The following PCDHA7 variants were observed in gnomAD, a reference collection of about 807,000 sequenced individuals.
The protein encoded by PCDHA7 is protocadherin alpha 7.
A neutral mutation model predicts 57.2 loss-of-function variants in PCDHA7; 37 were observed. The observed-to-expected ratio is 0.65, with a 90% CI of 0.50 to 0.85. PCDHA7 has a LOEUF of 0.85. Ranked by LOEUF, PCDHA7 falls within the 40% of genes least tolerant of loss-of-function variation. PCDHA7 has a pLI of 0.00. For missense variants in PCDHA7, 1,188 were observed against 1,241.8 expected (o/e 0.96, Z 0.65); for synonymous variants, 553 against 558.8 (o/e 0.99, Z 0.15).
intron 1 of PCDHA7, chr5:140,967,270 C>G (rs782562333): frequency 6.2e-7 from 1 of 1,613,488 alleles, no homozygotes; most frequent in Non-Finnish European, 8.5e-7. Context: ...CGCGCTTTCA[C>G]ATAGAGAGTG....
intron 1 of PCDHA7, chr5:140,882,798 A>AT: frequency 6.2e-7 from 1 of 1,614,236 alleles, no homozygotes; most frequent in Non-Finnish European, 8.5e-7. Flanking sequence ...CCCAACGATT[A>AT]TTTCACTTTG....
chr5:140,929,580 T>A (rs1035039235), intron 1 of PCDHA7: 13 of 442,122 alleles, frequency 2.9e-5, no homozygotes, highest in African/African-American at 1.0e-4. Context: ...AAAAGTAATA[T>A]GACATAAAGG....
intron 1 of PCDHA7, chr5:140,870,210 C>T (rs1430379869): frequency 6.2e-7 from 1 of 1,614,058 alleles, no homozygotes; most frequent in African/African-American, 1.3e-5. Context: ...CGGTCATTGC[C>T]CTGATCAGCG....
Position 140,913,941 on chromosome 5 carries a change from C to T in PCDHA7, c.2356-65008C>T, listed in dbSNP as rs950871389. ...TACTTCATTGTGGTCAGAGAAGAAT[C>T]TTGATATGATATCATTTTTAAAAAA... On this transcript the variant is annotated intron_variant, in intron 1 of 3. Transcript: ENST00000525929. Among the ~76,000 whole-genome samples, 3 of 152,102 alleles carry T rather than the reference C, an allele frequency of 2.0e-5. No homozygotes were observed. In the East Asian group the frequency reaches 5.8e-4, roughly 29 times the overall value.
At chr5:140,877,652 C>T (rs1456022709) in intron 1 of PCDHA7, 1 of 1,613,400 alleles carries the variant, frequency 6.2e-7, no homozygotes, top group Non-Finnish European at 8.5e-7. Context: ...TCAGCGCCGC[C>T]CACCGTGAGC....
intron 1 of PCDHA7, among the ~76,000 whole-genome samples, chr5:140,941,561 C>T (rs782382112): frequency 2.1e-4 from 32 of 151,880 alleles, no homozygotes; most frequent in Middle Eastern, 3.2e-3. Context: ...GTGATCCATT[C>T]GCCTCAGCCT....
intron 1 of PCDHA7, chr5:140,851,026 C>A (rs1554145197): frequency 2.8e-6 from 4 of 1,416,346 alleles, no homozygotes; most frequent in Admixed American, 5.4e-5. Flanking sequence ...ATAAAGTAAA[C>A]CCCTTAACAT....
At chr5:140,857,864 C>T (rs782625866) in intron 1 of PCDHA7, 4 of 1,597,766 alleles carry the variant, frequency 2.5e-6, no homozygotes, top group Middle Eastern at 3.4e-4. Flanking sequence ...CAACGCGTGG[C>T]TGTCGTATGA....
intron 1 of PCDHA7, 30 bp downstream of exon 1, chr5:140,836,768 A>AT: frequency 5.1e-6 from 8 of 1,555,112 alleles, no homozygotes; most frequent in Non-Finnish European, 7.0e-6. Context: ...GTTTCCAACA[A>AT]TTTTAAAACA....
intron 1 of PCDHA7, chr5:140,851,464 T>A: frequency 1.1e-6 from 1 of 895,470 alleles, no homozygotes; most frequent in Non-Finnish European, 1.4e-6. Flanking sequence ...TCAAATTATG[T>A]CAATAAATGT....
At chr5:140,938,947 A>AT (rs1554212493) in intron 1 of PCDHA7, among the ~76,000 whole-genome samples, 1 of 152,094 alleles carries the variant, frequency 6.6e-6, no homozygotes, top group Non-Finnish European at 1.5e-5. Flanking sequence ...CATTCTTATA[A>AT]TGCTCTAGTC....
chr5:140,956,060 G>A (rs1021406649), intron 1 of PCDHA7, among the ~76,000 whole-genome samples: 12 of 152,074 alleles, frequency 7.9e-5, no homozygotes, highest in African/African-American at 2.9e-4. Context: ...GAGACAATGG[G>A]GTTTTCCAGA....
At chr5:140,850,115 G>A (rs2150468444) in intron 1 of PCDHA7, 17 of 1,595,978 alleles carry the variant, frequency 1.1e-5, no homozygotes, top group Non-Finnish European at 1.5e-5. Flanking sequence ...CGCGCGACGC[G>A]GGCGTGCCGC....
intron 1 of PCDHA7, chr5:140,926,866 G>C: frequency 6.6e-7 from 1 of 1,524,204 alleles, no homozygotes; most frequent in Non-Finnish European, 8.8e-7. Flanking sequence ...GTAGCGTGTT[G>C]GTGGAACGTG....
At chr5:140,851,968 C>T (rs1409588887) in intron 1 of PCDHA7, 1 of 976,644 alleles carries the variant, frequency 1.0e-6, no homozygotes, top group Admixed American at 6.3e-5. Flanking sequence ...GTTTTCCACA[C>T]TCTACCTTTA....
chr5:140,916,910 A>G (rs898370877), intron 1 of PCDHA7, among the ~76,000 whole-genome samples: 3 of 152,194 alleles, frequency 2.0e-5, no homozygotes, highest in African/African-American at 7.2e-5. Context: ...AAGTTTACCT[A>G]GAACCTCAGA....
intron 1 of PCDHA7, chr5:140,853,507 A>G (rs762597106): frequency 6.1e-6 from 6 of 977,198 alleles, no homozygotes; most frequent in South Asian, 4.8e-5. Context: ...TCATGAAACA[A>G]TAATGAAGCT....
intron 1 of PCDHA7, among the ~76,000 whole-genome samples, chr5:140,945,576 T>G (rs1383348275): frequency 6.6e-6 from 1 of 152,064 alleles, no homozygotes; most frequent in African/African-American, 2.4e-5. Context: ...ACTACCTGGC[T>G]TCAAAATATA....
chr5:140,848,693 G>A, intron 1 of PCDHA7: 1 of 1,592,386 alleles, frequency 6.3e-7, no homozygotes, highest in Non-Finnish European at 8.6e-7. Flanking sequence ...TGTTCCAGTT[G>A]GATTCCAAAG....
Sources: gnomAD v4.1 joint callset for allele counts (sites outside exome capture counted in the v4.1 genomes callset) on GRCh38, gnomAD v4.1.1 for gene constraint, MANE v1.5 for transcripts, NCBI Gene and HGNC (gene_info 2026-07-23, HGNC 2026-07-21) for gene names.